FOXN3: variants seen among roughly 807,000 people sequenced by gnomAD.
FOXN3 encodes forkhead box protein N3.
In FOXN3, 7 loss-of-function variants were observed where a neutral mutation model predicts 38.4. The observed-to-expected ratio is 0.18, with a 90% CI of 0.10 to 0.34. The LOEUF (loss-of-function observed/expected upper bound fraction) is 0.34. Among genes scored for constraint, FOXN3 ranks in the 10% least tolerant of loss-of-function variants. FOXN3 has a pLI of 1.00. For synonymous variants in FOXN3, 230 were observed against 242.2 expected, an observed-to-expected ratio of 0.95 and a Z score of 0.47; for missense variants, 456 against 613.4, an observed-to-expected ratio of 0.74 and a Z score of 2.71.
intron 1 of FOXN3, among the ~76,000 whole-genome samples, chr14:89,564,014 T>TA (rs1039636284): frequency 4.6e-5 from 7 of 152,082 alleles, no homozygotes; most frequent in Non-Finnish European, 8.8e-5. Context: ...CACATCCAGT[T>TA]AAATTTGTTT....
intron 4 of FOXN3, among the ~76,000 whole-genome samples, chr14:89,189,402 G>A (rs565921173): frequency 1.3e-5 from 2 of 152,298 alleles, no homozygotes; most frequent in East Asian, 1.9e-4. Flanking sequence ...AAGGAGATAG[G>A]TGAGTGCCAG....
intron 4 of FOXN3, among the ~76,000 whole-genome samples, chr14:89,278,905 A>G (rs1886378165): frequency 6.6e-6 from 1 of 152,168 alleles, no homozygotes; most frequent in Non-Finnish European, 1.5e-5. Flanking sequence ...ATGACTGGAC[A>G]GTCCCTTCTT....
chr14:89,384,048 G>GT (rs1446478735), intron 2 of FOXN3, among the ~76,000 whole-genome samples: 1 of 152,200 alleles, frequency 6.6e-6, no homozygotes, highest in African/African-American at 2.4e-5. Context: ...GCCCACTACA[G>GT]TGATAACAGA....
At chr14:89,565,093 CAAAAAAAAA>C (rs59821937) in intron 1 of FOXN3, among the ~76,000 whole-genome samples, 1 of 52,898 alleles carries the variant, frequency 1.9e-5, no homozygotes, top group Non-Finnish European at 3.6e-5. Flanking sequence ...GAGCTCGTCT[CAAAAAAAAA>C]AAAAAAAAAA....
chr14:89,358,254 C>A (rs1206823690), intron 2 of FOXN3, among the ~76,000 whole-genome samples: 3 of 152,184 alleles, frequency 2.0e-5, no homozygotes, highest in African/African-American at 7.2e-5. Context: ...AGTTCACTGC[C>A]CACTGCCCTA....
chr14:89,599,878 C>T (rs1896125385), intron 1 of FOXN3, among the ~76,000 whole-genome samples: 1 of 152,214 alleles, frequency 6.6e-6, no homozygotes, highest in South Asian at 2.1e-4. Context: ...ACCACACCCT[C>T]AAGCCCATGA....
At chr14:89,481,410 C>G (rs1477717676) in intron 1 of FOXN3, among the ~76,000 whole-genome samples, 1 of 152,072 alleles carries the variant, frequency 6.6e-6, no homozygotes, top group Non-Finnish European at 1.5e-5. Flanking sequence ...GACTTCCCGG[C>G]TCGTCTTCTC....
intron 5 of FOXN3, among the ~76,000 whole-genome samples, chr14:89,170,777 C>T (rs898543815): frequency 6.6e-5 from 10 of 152,048 alleles, no homozygotes; most frequent in Non-Finnish European, 1.5e-4. Context: ...TTTAAAAATA[C>T]CCATGGGTCA....
intron 3 of FOXN3, among the ~76,000 whole-genome samples, chr14:89,297,294 G>A (rs1887069261): frequency 6.6e-6 from 1 of 152,108 alleles, no homozygotes; most frequent in African/African-American, 2.4e-5. Context: ...CGGGCGCGGT[G>A]GCTCAGGCCT....
At chr14:89,342,692 A>C (rs541595673) in intron 3 of FOXN3, among the ~76,000 whole-genome samples, 40 of 152,290 alleles carry the variant, frequency 2.6e-4, no homozygotes, top group African/African-American at 9.6e-4. Context: ...CATCTACTTT[A>C]CTGCATTAAT....
At chr14:89,308,305 A>G (rs1887435717) in intron 3 of FOXN3, among the ~76,000 whole-genome samples, 1 of 152,168 alleles carries the variant, frequency 6.6e-6, no homozygotes. Context: ...AAGACAAATG[A>G]AAAAATTGTA....
Position 89,233,484 on chromosome 14 carries a change from T to C in FOXN3, c.745+47466A>G, listed in dbSNP as rs558499954. Among the ~76,000 whole-genome samples the C allele has an allele frequency of 1.0e-3, 156 of 152,378 alleles. 1 individual carries two copies. Among genetic ancestry groups the C allele is most frequent in the African/African-American group, 3.6e-3 (151 of 41,588 alleles). ...TAGAAAATTATTTTTCAGTGACACATAGTAAAACTAAGTATCTATGAATTT... is the reference window on the plus strand; with the variant it reads ...TAGAAAATTATTTTTCAGTGACACACAGTAAAACTAAGTATCTATGAATTT... On this transcript the variant is annotated intron_variant, in intron 4 of 5. Coordinates refer to ENST00000557258, the MANE Select transcript of FOXN3 (RefSeq NM_005197.4).
At position 89,162,952 on chromosome 14, in the gene FOXN3, C is replaced by A; in HGVS notation, c.869G>T (p.Cys290Phe). 1 of 1,565,246 alleles carries A rather than the reference C, an allele frequency of 6.4e-7. No individual in the cohort carries two copies. Among genetic ancestry groups the A allele is most frequent in the South Asian group, 1.2e-5 (1 of 83,928 alleles). Residue 290 changes from cysteine to phenylalanine, a missense_variant, in exon 6 of 6, where the codon TGC (cysteine) becomes TTC (phenylalanine). Transcript: ENST00000557258. The surrounding 1 kb of genome is among the most constrained non-coding windows in gnomAD (Gnocchi z 7.2). ...TGGCTCACTCTCAGTCCGCATCCGG[C>A]AGCTGGTGATGCCATTCCTGCAGAG... The part of the protein sequence containing the change: ...TAAMRNGITS[C>F]RMRTESEPSC...
At chr14:89,570,148 T>C (rs1258296066) in intron 1 of FOXN3, among the ~76,000 whole-genome samples, 1 of 151,932 alleles carries the variant, frequency 6.6e-6, no homozygotes, top group Non-Finnish European at 1.5e-5. Context: ...TACAGGTGCA[T>C]GCCACCACGC....
chr14:89,360,767 TACCACCTCCACCACCACCTCCACC>T (rs1342807566), intron 2 of FOXN3, among the ~76,000 whole-genome samples: 2 of 17,810 alleles, frequency 1.1e-4, no homozygotes, highest in Non-Finnish European at 2.0e-4. Context: ...CCTCCACCAC[TACCACCTCCACCACCACCTCCACC>T]ACCACCACCT....
chr14:89,290,875 C>A (rs1886848215), intron 3 of FOXN3: 5 of 274,442 alleles, frequency 1.8e-5, no homozygotes, highest in South Asian at 1.1e-4. Flanking sequence ...TCTTTTGTGT[C>A]TTCATTCTCA....
chr14:89,240,488 G>A (rs1469202823), intron 4 of FOXN3, among the ~76,000 whole-genome samples: 2 of 152,150 alleles, frequency 1.3e-5, no homozygotes, highest in African/African-American at 4.8e-5. Flanking sequence ...AATACATCTG[G>A]TACAACCATA....
intron 4 of FOXN3, among the ~76,000 whole-genome samples, chr14:89,245,857 C>T (rs1885279359): frequency 6.6e-6 from 1 of 152,172 alleles, no homozygotes; most frequent in Non-Finnish European, 1.5e-5. Context: ...ATCAGCCCCC[C>T]ATCCCGCATC....
At chr14:89,352,323 A>G (rs1400718087) in intron 2 of FOXN3, among the ~76,000 whole-genome samples, 5 of 152,254 alleles carry the variant, frequency 3.3e-5, no homozygotes, top group Non-Finnish European at 7.3e-5. Context: ...GGGAGCAGTG[A>G]GACTTTGCAA....
Sources: gnomAD v4.1 joint callset for allele counts (sites outside exome capture counted in the v4.1 genomes callset) on GRCh38, gnomAD v4.1.1 for gene constraint, Gnocchi (gnomAD v3.1) non-coding constraint, MANE v1.5 for transcripts, NCBI Gene and HGNC (gene_info 2026-07-23, HGNC 2026-07-21) for gene names.